Variants in ACSS3 observed in about 807,000 individuals in gnomAD.
ACSS3 encodes acyl-CoA synthetase short chain family member 3.
A neutral mutation model predicts 84.2 loss-of-function variants in ACSS3; 64 were observed. The observed-to-expected ratio is 0.76, with a 90% confidence interval of 0.62 to 0.94. The LOEUF (loss-of-function observed/expected upper bound fraction) is 0.94. ACSS3 is among the 40% of genes least tolerant of loss of function. ACSS3 has a pLI of 0.00. For synonymous variants in ACSS3, 317 were observed against 310.1 expected, an observed-to-expected ratio of 1.02 and a Z score of -0.23; for missense variants, 815 against 867.6, an observed-to-expected ratio of 0.94 and a Z score of 0.76.
rs746246643 is a variant in ACSS3, at chr12:81,220,008, T to G, written c.1451-5T>G. 9.3e-6 allele frequency: 14 copies of G among 1,513,338 alleles called. No individual in the cohort carries two copies. In the Admixed American group the frequency reaches 1.2e-4, roughly 13 times the overall value. 93.7% of individuals were successfully genotyped at this position (1,513,338 alleles called of 1,614,324 possible). ...TTATTCAAATATTTATATTTTACTT[T>G]GTAGTTATGATTTTGGATGACAACA... On this transcript the variant is annotated splice_region_variant and splice_polypyrimidine_tract_variant and intron_variant, in intron 10 of 15. Coordinates refer to ENST00000548058, the MANE Select transcript of ACSS3 (RefSeq NM_024560.4).
chr12:81,233,601 T>TA, intron 13 of ACSS3, 130 bp downstream of exon 13: 1 of 1,136,600 alleles, frequency 8.8e-7, no homozygotes, highest in Non-Finnish European at 1.2e-6. Context: ...AGGTTACTCT[T>TA]ACATCTCTCC....
Position 81,175,850 on chromosome 12 carries a change from A to T in ACSS3, c.1250+911A>T, listed in dbSNP as rs2030431897. Reference sequence around the variant, plus strand: ...TACCAGATTCTCTGGGTCATAACTAATGTAGTGATAAGAGGAAACTTTATA... The same window carrying T: ...TACCAGATTCTCTGGGTCATAACTATTGTAGTGATAAGAGGAAACTTTATA... On this transcript the variant is annotated intron_variant, in intron 8 of 15. Coordinates refer to ENST00000548058, the MANE Select transcript of ACSS3 (RefSeq NM_024560.4). 2.0e-5 allele frequency among the ~76,000 whole-genome samples: 3 copies of T among 152,238 alleles called. 1 individual carries two copies. In the South Asian group the frequency reaches 6.2e-4, roughly 32 times the overall value.
At chr12:81,248,971 T>C (rs1324880801) in intron 13 of ACSS3, among the ~76,000 whole-genome samples, 2 of 152,040 alleles carry the variant, frequency 1.3e-5, no homozygotes, top group Non-Finnish European at 2.9e-5. Flanking sequence ...TTCTTTTCTG[T>C]TCTCATCATA....
At chr12:81,222,845 C>T (rs10862267) in intron 11 of ACSS3, among the ~76,000 whole-genome samples, 1 of 151,792 alleles carries the variant, frequency 6.6e-6, no homozygotes, top group East Asian at 1.9e-4. Flanking sequence ...AGATTACTTA[C>T]ATTCATAGAA....
intron 1 of ACSS3, among the ~76,000 whole-genome samples, chr12:81,103,122 T>C (rs1397136723): frequency 6.6e-6 from 1 of 152,156 alleles, no homozygotes; most frequent in Admixed American, 6.5e-5. Flanking sequence ...AATTTTATTA[T>C]TGAATAGCCA....
Position 81,259,208 on chromosome 12 carries a change from A to G in ACSS3, c.*4286A>G, listed in dbSNP as rs1420026109. 4.4e-6 allele frequency: 1 copy of G among 229,568 alleles called. No homozygotes were observed. The highest frequency in any genetic ancestry group is 8.6e-6 in the Non-Finnish European group (1 of 115,682). The allele number at this position is 229,568 out of a possible 1,614,324, so 14.2% of individuals were successfully genotyped here. A position where few individuals can be genotyped will look rare whatever the true frequency, so the allele number is the denominator to read the frequency against. ...TATTAACAATCCAAAAACTGTAAAA[A>G]TGGTGGAATGGTAAAATACAAACAG... On this transcript the variant is annotated 3_prime_UTR_variant, in exon 16 of 16. Transcript: ENST00000548058.
intron 9 of ACSS3, among the ~76,000 whole-genome samples, chr12:81,205,095 C>G (rs2032288697): frequency 6.6e-6 from 1 of 152,048 alleles, no homozygotes; most frequent in Non-Finnish European, 1.5e-5. Context: ...AACTGCAGTT[C>G]TGAAGTAATT....
intron 10 of ACSS3, among the ~76,000 whole-genome samples, chr12:81,219,262 A>G (rs2033024440): frequency 6.6e-6 from 1 of 152,140 alleles, no homozygotes; most frequent in African/African-American, 2.4e-5. Flanking sequence ...CTAACTGTCA[A>G]TACAGAATTT....
At chr12:81,252,881 C>G (rs141036229) in intron 13 of ACSS3, among the ~76,000 whole-genome samples, 1 of 152,150 alleles carries the variant, frequency 6.6e-6, no homozygotes, top group Non-Finnish European at 1.5e-5. Flanking sequence ...ATAGGGCAGC[C>G]TCGGATTCCT....
chr12:81,152,332 CT>C (rs1353796823), intron 7 of ACSS3, among the ~76,000 whole-genome samples: 1 of 113,360 alleles, frequency 8.8e-6, no homozygotes, highest in East Asian at 2.4e-4. Flanking sequence ...CAAAAACAAG[CT>C]TTATATCTAT....
Position 81,151,828 on chromosome 12 carries a change from CTT to C in ACSS3, c.922-12_922-11del. The stretch of plus-strand genomic sequence containing the variant: ...ACATTGTTTATTGATTTTAATTTCA[CTT>C]TTTCTCTCCTTAGGGTGTGATTAGG... On this transcript the variant is annotated splice_polypyrimidine_tract_variant and intron_variant, in intron 5 of 15. Transcript: ENST00000548058. 6.2e-7 allele frequency: 1 copy of C among 1,605,194 alleles called. No individual in the cohort carries two copies. Among genetic ancestry groups the C allele is most frequent in the Non-Finnish European group, 8.5e-7 (1 of 1,175,984 alleles).
intron 3 of ACSS3, among the ~76,000 whole-genome samples, chr12:81,137,321 TCACA>T (rs57701806): frequency 0.029 from 4,060 of 141,728 alleles, 57 homozygotes; most frequent in Middle Eastern, 0.05. Flanking sequence ...TTTTCATCCA[TCACA>T]CACACACACA....
intron 1 of ACSS3, among the ~76,000 whole-genome samples, chr12:81,101,116 T>C (rs1328338330): frequency 6.6e-6 from 1 of 152,210 alleles, no homozygotes; most frequent in Non-Finnish European, 1.5e-5. Flanking sequence ...AAAATTTTTA[T>C]GGCCCAGATT....
intron 5 of ACSS3, among the ~76,000 whole-genome samples, chr12:81,144,326 C>T (rs149713333): frequency 3.3e-5 from 5 of 152,068 alleles, no homozygotes; most frequent in African/African-American, 7.2e-5. Context: ...TGAATTCATA[C>T]GTAGATGCAT....
At chr12:81,213,972 T>TC (rs1298719802) in intron 9 of ACSS3, among the ~76,000 whole-genome samples, 3 of 32,300 alleles carry the variant, frequency 9.3e-5, no homozygotes, top group African/African-American at 1.6e-4. Context: ...TCTTTCTTTC[T>TC]TTCTTTCTTT....
intron 5 of ACSS3, 27 bp downstream of exon 5, chr12:81,143,274 C>G: frequency 6.6e-7 from 1 of 1,507,114 alleles, no homozygotes; most frequent in Admixed American, 1.9e-5. Flanking sequence ...AGATAACTAT[C>G]TATAGCAGTA....
chr12:81,104,324 A>G (rs1382675748), intron 1 of ACSS3, among the ~76,000 whole-genome samples: 1 of 152,150 alleles, frequency 6.6e-6, no homozygotes, highest in Non-Finnish European at 1.5e-5. Flanking sequence ...TACAGAACCA[A>G]GAAAGGGACA....
chr12:81,080,480 A>G (rs1880899750), intron 1 of ACSS3, among the ~76,000 whole-genome samples: 1 of 151,772 alleles, frequency 6.6e-6, no homozygotes, highest in Non-Finnish European at 1.5e-5. Context: ...TCAGTCTTGA[A>G]CTCATGCCCA....
chr12:81,206,619 T>A (rs2032362027), intron 9 of ACSS3, among the ~76,000 whole-genome samples: 1 of 152,070 alleles, frequency 6.6e-6, no homozygotes, highest in Non-Finnish European at 1.5e-5. Context: ...AGCATCCATC[T>A]GGTGAGAGAG....
Sources: allele counts gnomAD v4.1 joint callset (sites outside exome capture counted in the v4.1 genomes callset), GRCh38; gene constraint gnomAD v4.1.1; transcripts MANE v1.5; gene names NCBI Gene and HGNC (gene_info 2026-07-23, HGNC 2026-07-21).